Variants in COBL observed in about 807,000 individuals in gnomAD.
The protein encoded by COBL is cordon-bleu WH2 repeat protein.
A neutral mutation model predicts 98.8 loss-of-function variants in COBL; 51 were observed. The observed-to-expected ratio is 0.52, with a 90% confidence interval of 0.41 to 0.65. The LOEUF (loss-of-function observed/expected upper bound fraction) is 0.65. Among genes scored for constraint, COBL ranks in the 30% least tolerant of loss-of-function variants. COBL has a pLI of 0.00. For missense variants in COBL, 1,617 were observed against 1,617.5 expected, an observed-to-expected ratio of 1.00 and a Z score of 0.01; for synonymous variants, 634 against 651.7, an observed-to-expected ratio of 0.97 and a Z score of 0.41.
intron 1 of COBL, among the ~76,000 whole-genome samples, chr7:51,236,527 G>T (rs1218764434): frequency 6.6e-6 from 1 of 152,110 alleles, no homozygotes; most frequent in African/African-American, 2.4e-5. Flanking sequence ...GCTCATGACT[G>T]GAAACTTACA....
intron 2 of COBL, among the ~76,000 whole-genome samples, chr7:51,204,785 G>A (rs1366497817): frequency 1.3e-5 from 2 of 152,010 alleles, no homozygotes; most frequent in African/African-American, 2.4e-5. Context: ...TCTTGACCTC[G>A]TGATCCATCC....
At chr7:51,148,786 G>A (rs185365999) in intron 5 of COBL, among the ~76,000 whole-genome samples, 152 of 152,266 alleles carry the variant, frequency 1.0e-3, no homozygotes, top group Non-Finnish European at 1.6e-3. Context: ...TGGGGTGCTG[G>A]CAGCGGGGGC....
At chr7:51,038,922 G>A (rs1417461635) in intron 8 of COBL, among the ~76,000 whole-genome samples, 1 of 152,190 alleles carries the variant, frequency 6.6e-6, no homozygotes, top group African/African-American at 2.4e-5. Flanking sequence ...CATCTTTGTC[G>A]TTTGCCATGT....
intron 1 of COBL, among the ~76,000 whole-genome samples, chr7:51,264,929 G>A (rs997158262): frequency 8.5e-5 from 13 of 152,114 alleles, no homozygotes; most frequent in African/African-American, 3.1e-4. Flanking sequence ...ATTTTAAACT[G>A]TGGGATGGAA....
intron 1 of COBL, among the ~76,000 whole-genome samples, chr7:51,273,947 C>T (rs1339963325): frequency 6.6e-6 from 1 of 152,172 alleles, no homozygotes; most frequent in East Asian, 1.9e-4. Flanking sequence ...CCCCCTGTAG[C>T]AGTTGGGTCC....
intron 1 of COBL, among the ~76,000 whole-genome samples, chr7:51,296,924 A>C (rs1801465322): frequency 6.6e-6 from 1 of 152,206 alleles, no homozygotes; most frequent in African/African-American, 2.4e-5. Context: ...CTGGAACAAC[A>C]TCTCAACTAA....
intron 9 of COBL, among the ~76,000 whole-genome samples, 166 bp from the exon 10 acceptor site, chr7:51,029,757 A>C (rs1211247830): frequency 6.6e-6 from 1 of 152,236 alleles, no homozygotes; most frequent in Non-Finnish European, 1.5e-5. Flanking sequence ...CTGGGGCCAG[A>C]AGCTCAACTT....
At chr7:51,288,677 C>T (rs182031066) in intron 1 of COBL, among the ~76,000 whole-genome samples, 30 of 152,032 alleles carry the variant, frequency 2.0e-4, no homozygotes, top group African/African-American at 6.5e-4. Context: ...TCGCTTAAAC[C>T]CAGGAGGTGG....
chr7:51,263,528 G>GA (rs1316649646), intron 1 of COBL, among the ~76,000 whole-genome samples: 5 of 151,718 alleles, frequency 3.3e-5, no homozygotes, highest in African/African-American at 7.2e-5. Flanking sequence ...CAATAAAACA[G>GA]AAAAAAAAGT....
chr7:51,265,628 G>C (rs950607190), intron 1 of COBL, among the ~76,000 whole-genome samples: 1 of 152,202 alleles, frequency 6.6e-6, no homozygotes, highest in African/African-American at 2.4e-5. Context: ...GAAAGCCCTG[G>C]ATGATGTGAT....
chr7:51,075,191 G>T (rs1165552738), intron 7 of COBL, among the ~76,000 whole-genome samples: 1 of 152,206 alleles, frequency 6.6e-6, no homozygotes, highest in Admixed American at 6.5e-5. Context: ...ATTGGCTACA[G>T]ATATGACATA....
intron 6 of COBL, among the ~76,000 whole-genome samples, chr7:51,089,858 T>C (rs1276245167): frequency 6.6e-6 from 1 of 152,126 alleles, no homozygotes; most frequent in Non-Finnish European, 1.5e-5. Flanking sequence ...GTAAAAACAC[T>C]TAAAATCAAC....
chr7:51,258,691 C>G (rs1797416425), intron 1 of COBL, among the ~76,000 whole-genome samples: 1 of 152,156 alleles, frequency 6.6e-6, no homozygotes, highest in Non-Finnish European at 1.5e-5. Context: ...CAGTGTGGCA[C>G]TTAAGAGTAA....
At chr7:51,149,946 A>G (rs904060407) in intron 5 of COBL, among the ~76,000 whole-genome samples, 5 of 152,184 alleles carry the variant, frequency 3.3e-5, no homozygotes, top group Non-Finnish European at 7.3e-5. Flanking sequence ...AAATAAGAAT[A>G]CAAAAATGAT....
chr7:51,180,709 G>A (rs1037598623), intron 5 of COBL, among the ~76,000 whole-genome samples: 6 of 152,046 alleles, frequency 3.9e-5, no homozygotes, highest in African/African-American at 1.2e-4. Flanking sequence ...TATTGTTTTT[G>A]TGATATTATT....
chr7:51,182,543 A>G (rs1584084238), intron 5 of COBL, among the ~76,000 whole-genome samples: 1 of 151,902 alleles, frequency 6.6e-6, no homozygotes, highest in Non-Finnish European at 1.5e-5. Flanking sequence ...CAGCCTCCCA[A>G]AGTGCTGGGA....
intron 5 of COBL, among the ~76,000 whole-genome samples, chr7:51,159,014 A>G (rs1368804123): frequency 6.6e-6 from 1 of 152,092 alleles, no homozygotes; most frequent in African/African-American, 2.4e-5. Context: ...TGTGTGGGAC[A>G]CCCTGTCTAT....
At chr7:51,018,898 AAAAAAAAATAT>A (rs1786579395) in intron 12 of COBL, among the ~76,000 whole-genome samples, 1 of 52,146 alleles carries the variant, frequency 1.9e-5, no homozygotes, top group African/African-American at 8.1e-5. Context: ...TCTCAAAAAA[AAAAAAAAATAT>A]ATATATATAT....
chr7:51,118,920 T>C (rs538836338), intron 6 of COBL, among the ~76,000 whole-genome samples: 18 of 152,326 alleles, frequency 1.2e-4, no homozygotes, highest in African/African-American at 4.1e-4. Context: ...TGTCCAGCTT[T>C]CCTGCAGCCA....
Sources: gnomAD v4.1 joint callset for allele counts (sites outside exome capture counted in the v4.1 genomes callset) on GRCh38, gnomAD v4.1.1 for gene constraint, MANE v1.5 for transcripts, NCBI Gene and HGNC (gene_info 2026-07-23, HGNC 2026-07-21) for gene names.